The following GDPD5 variants were observed in gnomAD, a reference collection of about 807,000 sequenced individuals.
GDPD5 encodes the protein glycerophosphodiester phosphodiesterase 2.
A neutral mutation model predicts 75.1 loss-of-function variants in GDPD5; 48 were observed. The ratio of observed to expected loss-of-function variants is 0.64; its 90% CI spans 0.51 to 0.81. The LOEUF is 0.81. Among genes scored for constraint, GDPD5 ranks in the 40% least tolerant of loss-of-function variants. The pLI, the probability that GDPD5 is intolerant of heterozygous loss-of-function variation, is 0.00. For missense variants in GDPD5, 706 were observed against 822.6 expected, an observed-to-expected ratio of 0.86 and a Z score of 1.73; for synonymous variants, 336 against 339.0, an observed-to-expected ratio of 0.99 and a Z score of 0.10.
intron 2 of GDPD5, among the ~76,000 whole-genome samples, chr11:75,480,483 T>C (rs1269587746): frequency 6.6e-6 from 1 of 152,226 alleles, no homozygotes; most frequent in Non-Finnish European, 1.5e-5. Flanking sequence ...TTGCTGGGAC[T>C]ACGGGTATGT....
At chr11:75,452,124 AC>A (rs1949176746) in intron 6 of GDPD5, 1 of 152,180 alleles carries the variant, frequency 6.6e-6, no homozygotes, top group Admixed American at 6.5e-5. Context: ...AGGTGCCGGG[AC>A]CCGAGAGGAG....
rs77610010 is a variant in GDPD5 at position 75,483,212 on chromosome 11, G to A, written c.-60-5417C>T. Among the ~76,000 whole-genome samples the A allele has an allele frequency of 2.7e-3, 413 of 152,152 alleles. 1 individual carries two copies. The highest frequency in any genetic ancestry group is 9.2e-3 in the African/African-American group (380 of 41,492). On this transcript the variant is annotated intron_variant, in intron 2 of 16. Coordinates refer to ENST00000336898, the MANE Select transcript of GDPD5 (RefSeq NM_030792.8). ...ACTGCTGGCTCTGGGACAAGAGAAC[G>A]CTCTCACCTCTGAGCCTGATGTCCA... is the stretch of plus-strand genomic sequence containing the variant.
chr11:75,507,727 G>A (rs1023914229), intron 1 of GDPD5, among the ~76,000 whole-genome samples: 2 of 152,232 alleles, frequency 1.3e-5, no homozygotes, highest in African/African-American at 4.8e-5. Flanking sequence ...GGTCTGGAGA[G>A]AGCTGACCCT....
chr11:75,440,155 G>A (rs1244492807), intron 14 of GDPD5, among the ~76,000 whole-genome samples, 194 bp from the exon 15 acceptor site: 4 of 152,184 alleles, frequency 2.6e-5, no homozygotes, highest in Non-Finnish European at 5.9e-5. Flanking sequence ...GGGGGCCGGG[G>A]CGTGTGTGTG....
At chr11:75,481,178 T>C (rs148122592) in intron 2 of GDPD5, among the ~76,000 whole-genome samples, 1 of 152,244 alleles carries the variant, frequency 6.6e-6, no homozygotes, top group African/African-American at 2.4e-5. Flanking sequence ...GAGCCAAGGC[T>C]TGGTAGATGA....
rs746824093 is a variant in GDPD5, at chr11:75,443,273, G to T, written c.811C>A (p.Pro271Thr). Residue 271 changes from proline to threonine, a missense_variant, in exon 11 of 17, where the codon CCC becomes ACC. Physicochemically the swap from Pro to Thr is conservative, Grantham distance 38 (BLOSUM62 -1). Coordinates refer to ENST00000336898, the MANE Select transcript of GDPD5 (RefSeq NM_030792.8). ...AGGGTGGTGTCATGCATGAGGAAGG[G>T]CACGCCGTCCAGGCTGCAGGGAGGG... ...ADITISLDGV[P>T]FLMHDTTLRR... 25 of 1,609,254 alleles carry T rather than the reference G, an allele frequency of 1.6e-5. 1 individual carries two copies. In the South Asian group the frequency reaches 2.8e-4, roughly 18 times the overall value.
At chr11:75,475,746 C>T (rs547357781) in intron 3 of GDPD5, among the ~76,000 whole-genome samples, 2 of 152,278 alleles carry the variant, frequency 1.3e-5, no homozygotes, top group Middle Eastern at 3.4e-3. Context: ...GGCGCTGCCA[C>T]CCAGAGCTGC....
chr11:75,462,110 C>T (rs1030051099), intron 4 of GDPD5, among the ~76,000 whole-genome samples: 1 of 152,186 alleles, frequency 6.6e-6, no homozygotes, highest in African/African-American at 2.4e-5. Flanking sequence ...GCCTAGGATC[C>T]AGGGCTATCT....
At chr11:75,484,994 G>A (rs1949994626) in intron 2 of GDPD5, among the ~76,000 whole-genome samples, 1 of 152,138 alleles carries the variant, frequency 6.6e-6, no homozygotes, top group Admixed American at 6.5e-5. Flanking sequence ...ACACAATGAG[G>A]AATATTATTT....
At chr11:75,486,081 T>G (rs969121905) in intron 2 of GDPD5, among the ~76,000 whole-genome samples, 1 of 152,170 alleles carries the variant, frequency 6.6e-6, no homozygotes, top group Non-Finnish European at 1.5e-5. Context: ...ATCTGTATCA[T>G]GGGAGGGTTT....
At chr11:75,456,851 G>T in intron 5 of GDPD5, 35 bp from the exon 6 acceptor site, 3 of 1,602,974 alleles carry the variant, frequency 1.9e-6, no homozygotes, top group Non-Finnish European at 2.6e-6. Flanking sequence ...TGTCAGGCCC[G>T]TGTGGGCGGG....
intron 3 of GDPD5, among the ~76,000 whole-genome samples, chr11:75,474,616 G>T (rs775044644): frequency 2.0e-5 from 3 of 152,060 alleles, no homozygotes; most frequent in East Asian, 1.9e-4. Flanking sequence ...CTGGGGGACT[G>T]GGGGGCAAAG....
At chr11:75,444,350 C>T in intron 10 of GDPD5, 63 bp downstream of exon 10, 1 of 1,236,766 alleles carries the variant, frequency 8.1e-7, no homozygotes. Context: ...CCAGCAGAGA[C>T]CCAGGTGGAT....
At chr11:75,444,548 C>T (rs1948939456) in intron 9 of GDPD5, 53 bp from the exon 10 acceptor site, 6 of 1,335,092 alleles carry the variant, frequency 4.5e-6, no homozygotes, top group Non-Finnish European at 6.5e-6. Flanking sequence ...GATGTACCCT[C>T]CCCAGCCAAT....
rs140328909 is a variant in GDPD5, at chr11:75,489,254, C to T, written c.-61+983G>A. Among the ~76,000 whole-genome samples, 593 of 152,308 alleles carry T rather than the reference C, an allele frequency of 3.9e-3. 1 individual carries two copies. The highest frequency in any genetic ancestry group is 0.013 in the African/African-American group (537 of 41,570). ...ACCTCTGATATCCATTTGCACATTT[C>T]TGTACCATATCTAGTGTAAGATGAC... is the stretch of plus-strand genomic sequence containing the variant. On this transcript the variant is annotated intron_variant, in intron 2 of 16. Coordinates refer to ENST00000336898, the MANE Select transcript of GDPD5 (RefSeq NM_030792.8).
intron 1 of GDPD5, among the ~76,000 whole-genome samples, chr11:75,497,710 T>C (rs1950236222): frequency 6.6e-6 from 1 of 152,176 alleles, no homozygotes; most frequent in Non-Finnish European, 1.5e-5. Flanking sequence ...GACTGACCAC[T>C]TCGGTGCCTG....
At chr11:75,462,733 A>T in intron 4 of GDPD5, 53 bp downstream of exon 4, 2 of 1,383,926 alleles carry the variant, frequency 1.4e-6, no homozygotes, top group Non-Finnish European at 2.0e-6. Context: ...GGTCCCAGCT[A>T]CTGGATACCC....
chr11:75,441,322 G>A lies in GDPD5; in HGVS notation c.1326-12C>T. ...AGGACGCGTAGTCCCTGTGGGGCAG[G>A]GGAGAGGCAGGTCAGCATGCGGACC... On this transcript the variant is annotated splice_polypyrimidine_tract_variant and intron_variant, in intron 13 of 16. Transcript: ENST00000336898. The A allele has an allele frequency of 6.2e-7, 1 of 1,614,074 alleles. No individual in the cohort carries two copies. Among genetic ancestry groups the A allele is most frequent in the Non-Finnish European group, 8.5e-7 (1 of 1,180,000 alleles).
intron 1 of GDPD5, among the ~76,000 whole-genome samples, chr11:75,524,595 G>T (rs926504429): frequency 1.3e-5 from 2 of 152,162 alleles, no homozygotes; most frequent in African/African-American, 4.8e-5. Context: ...CCCTTACTTG[G>T]GGATCTCTGC....
Sources: gnomAD v4.1 joint callset for allele counts (sites outside exome capture counted in the v4.1 genomes callset) on GRCh38, gnomAD v4.1.1 for gene constraint, MANE v1.5 for transcripts, NCBI Gene and HGNC (gene_info 2026-07-23, HGNC 2026-07-21) for gene names.